The following DGKD variants were observed in gnomAD, a reference collection of about 807,000 sequenced individuals.
DGKD encodes diacylglycerol kinase delta, also known as DAG kinase delta.
DGKD carries 68 observed loss-of-function variants against 154.4 expected under a neutral mutation model. The ratio of observed to expected loss-of-function variants is 0.44; its 90% CI spans 0.36 to 0.54. DGKD has a LOEUF of 0.54. DGKD is among the 20% of genes least tolerant of loss of function. The pLI is 0.00. For missense variants in DGKD, 1,343 were observed against 1,593.6 expected (o/e 0.84, Z 2.68); for synonymous variants, 693 against 638.0 (o/e 1.09, Z -1.30).
At chr2:233,419,133 G>A (rs985748047) in intron 3 of DGKD, 1 of 710,246 alleles carries the variant, frequency 1.4e-6, no homozygotes, top group Non-Finnish European at 1.7e-6. Context: ...GACCCAGGGC[G>A]CCAGATGCTT....
rs1227280074 is a variant in DGKD, at chr2:233,354,520, TGGC to T, written c.14_16del (p.Ala5?). On this transcript the variant is annotated start_lost and inframe_deletion, in exon 1 of 30. Transcript: ENST00000264057. This position sits in a 1 kb window ranked among gnomAD's most constrained non-coding sequence, Gnocchi z 4.8. ...CGGTGCGCGCGCTGGCCCGGCAGCATGGCGGCGGCGGCGGGCGCCCCTCCGCCG... is the reference window on the plus strand; with the variant it reads ...CGGTGCGCGCGCTGGCCCGGCAGCATGGCGGCGGCGGGCGCCCCTCCGCCG... 1.9e-4 allele frequency: 186 copies of T among 975,094 alleles called. No individual in the cohort carries two copies. The highest frequency in any genetic ancestry group is 8.4e-4 in the South Asian group (19 of 22,744). The allele number at this position is 975,094 out of a possible 1,614,324, so 60.4% of individuals were successfully genotyped here.
intron 1 of DGKD, among the ~76,000 whole-genome samples, chr2:233,361,876 A>G (rs1316401866): frequency 6.6e-6 from 1 of 152,064 alleles, no homozygotes; most frequent in Non-Finnish European, 1.5e-5. Flanking sequence ...GCTCACTACA[A>G]CCTTTGCCTC....
intron 3 of DGKD, among the ~76,000 whole-genome samples, chr2:233,403,983 G>A (rs528237768): frequency 6.6e-6 from 1 of 152,174 alleles, no homozygotes; most frequent in South Asian, 2.1e-4. Flanking sequence ...TTTTACATGT[G>A]TTATATACAT....
chr2:233,402,845 C>G (rs56122957), intron 3 of DGKD, among the ~76,000 whole-genome samples: 5 of 152,192 alleles, frequency 3.3e-5, no homozygotes, highest in African/African-American at 1.2e-4. Flanking sequence ...TTGAACTATC[C>G]TGTATCACGG....
At chr2:233,424,138 G>A (rs1048734944) in intron 3 of DGKD, among the ~76,000 whole-genome samples, 4 of 152,148 alleles carry the variant, frequency 2.6e-5, no homozygotes, top group African/African-American at 9.7e-5. Context: ...GGACCGTTGT[G>A]GTCCCCGGGC....
intron 3 of DGKD, among the ~76,000 whole-genome samples, chr2:233,399,588 C>T (rs1467536851): frequency 6.6e-6 from 1 of 152,050 alleles, no homozygotes; most frequent in African/African-American, 2.4e-5. Flanking sequence ...AGGGAGTGGG[C>T]GTGGGAGGTG....
chr2:233,425,650 C>A (rs1277545692), intron 3 of DGKD, among the ~76,000 whole-genome samples: 1 of 152,204 alleles, frequency 6.6e-6, no homozygotes, highest in African/African-American at 2.4e-5. Context: ...ACTCTTCCTG[C>A]AATTGGCTTT....
rs746082299 is a variant in DGKD at position 233,382,126 on chromosome 2, C to T, written c.157-6131C>T. On this transcript the variant is annotated intron_variant, in intron 1 of 29. Transcript: ENST00000264057. ...GTGCGCGCCTGTAATCCCAGCTACT[C>T]GGGAGGGTGAGGCAGGAGAATTGCT... Among the ~76,000 whole-genome samples, 12 of 152,158 alleles carry T rather than the reference C, an allele frequency of 7.9e-5. No individual in the cohort carries two copies. The East Asian group carries it at 1.5e-3, about 20-fold the overall frequency.
intron 3 of DGKD, among the ~76,000 whole-genome samples, chr2:233,426,063 G>A (rs1575096250): frequency 1.3e-5 from 2 of 152,182 alleles, no homozygotes; most frequent in African/African-American, 4.8e-5. Flanking sequence ...AATCTGGTAG[G>A]TTAAAAAATG....
intron 3 of DGKD, among the ~76,000 whole-genome samples, chr2:233,413,568 A>G (rs1280255660): frequency 6.6e-6 from 1 of 152,188 alleles, no homozygotes; most frequent in Non-Finnish European, 1.5e-5. Flanking sequence ...GCGCCCCCGA[A>G]CCATGCCTGG....
At chr2:233,406,436 T>A (rs1159185202) in intron 3 of DGKD, among the ~76,000 whole-genome samples, 1 of 152,016 alleles carries the variant, frequency 6.6e-6, no homozygotes, top group East Asian at 1.9e-4. Context: ...CCTTGGTGAG[T>A]ATGGTCATTC....
At chr2:233,427,970 C>T (rs558391712) in intron 3 of DGKD, among the ~76,000 whole-genome samples, 33 of 152,198 alleles carry the variant, frequency 2.2e-4, no homozygotes, top group Non-Finnish European at 2.1e-4. Context: ...CCTGCTTTCT[C>T]GCCTGGGTCC....
In DGKD at chr2:233,443,440, TG is replaced by T. The variant is rs200698611; in HGVS notation, c.1194+1446del. Among the ~76,000 whole-genome samples, 1,085 of 152,362 alleles carry T rather than the reference TG, an allele frequency of 7.1e-3. 12 individuals are homozygous for T. The highest frequency in any genetic ancestry group is 0.027 in the East Asian group (140 of 5,188). ...GATATTTTTTTCCCGGTTTGTCGTT[TG>T]TCAGTTCAACATCCTTTTTGGGGGG... On this transcript the variant is annotated intron_variant, in intron 10 of 29. Coordinates refer to ENST00000264057, the MANE Select transcript of DGKD (RefSeq NM_152879.3).
rs191106994 is a variant in DGKD at position 233,459,134 on chromosome 2, C to T, written c.2695-623C>T. ...CTGGGGGTGCCCCCATGGCTTATTT[C>T]TGACAGCAGCGATGGGCTGAGGGCA... On this transcript the variant is annotated intron_variant, in intron 22 of 29. Coordinates refer to ENST00000264057, the MANE Select transcript of DGKD (RefSeq NM_152879.3). The surrounding 1 kb of genome is among the most constrained non-coding windows in gnomAD (Gnocchi z 5.7). Among the ~76,000 whole-genome samples, 2 of 152,254 alleles carry T rather than the reference C, an allele frequency of 1.3e-5. No individual in the cohort carries two copies. The highest frequency in any genetic ancestry group is 1.3e-4 in the Admixed American group (2 of 15,300).
chr2:233,365,631 C>A (rs1273569854), intron 1 of DGKD, among the ~76,000 whole-genome samples: 1 of 152,186 alleles, frequency 6.6e-6, no homozygotes, highest in Non-Finnish European at 1.5e-5. Context: ...TGCACAGGCA[C>A]ATTTGTCGAA....
At chr2:233,444,482 GTCC>G (rs1446835165) in intron 10 of DGKD, among the ~76,000 whole-genome samples, 2 of 151,568 alleles carry the variant, frequency 1.3e-5, no homozygotes, top group African/African-American at 4.9e-5. Flanking sequence ...TTTCCTCGCT[GTCC>G]TCCTCTTCAC....
chr2:233,391,726 G>C (rs575489931), intron 3 of DGKD, among the ~76,000 whole-genome samples: 1 of 152,268 alleles, frequency 6.6e-6, no homozygotes, highest in Non-Finnish European at 1.5e-5. Flanking sequence ...TTTTGGGTTA[G>C]TGCTAGTTTC....
In DGKD at chr2:233,437,386, T is replaced by TCGTG; in HGVS notation, c.830_833dup (p.Lys279ValfsTer2). ...GGGACTCTTGTTTCAGGTTCACACA[T>TCGTG]CGTGTAAAGAATCCTTGCTGACCAA... is the stretch of plus-strand genomic sequence containing the variant. On this transcript the variant is annotated frameshift_variant, in exon 8 of 30. Transcript: ENST00000264057. LOFTEE classifies it high-confidence loss of function. 6.2e-7 allele frequency: 1 copy of TCGTG among 1,614,112 alleles called. No homozygotes were observed. Among genetic ancestry groups the TCGTG allele is most frequent in the South Asian group, 1.1e-5 (1 of 91,062 alleles).
At chr2:233,406,058 G>C (rs2061678355) in intron 3 of DGKD, among the ~76,000 whole-genome samples, 1 of 149,272 alleles carries the variant, frequency 6.7e-6, no homozygotes, top group East Asian at 1.9e-4. Flanking sequence ...GAGAGACTCT[G>C]TGACTTGCTT....
Sources: allele counts gnomAD v4.1 joint callset (sites outside exome capture counted in the v4.1 genomes callset), GRCh38; gene constraint gnomAD v4.1.1; non-coding constraint Gnocchi (gnomAD v3.1); transcripts MANE v1.5; gene names NCBI Gene and HGNC (gene_info 2026-07-23, HGNC 2026-07-21).